The following NAV2 variants were observed in gnomAD, a reference collection of about 807,000 sequenced individuals.
The protein encoded by NAV2 is helicase, APC down-regulated 1.
Under a neutral mutation model 223.2 loss-of-function variants are expected in NAV2, and 54 were observed. The ratio of observed to expected loss-of-function variants is 0.24; its 90% CI spans 0.19 to 0.30. NAV2 has a LOEUF of 0.30. NAV2 is among the 10% of genes least tolerant of loss of function. The pLI is 1.00. For missense variants in NAV2, 2,806 were observed against 3,147.5 expected, an observed-to-expected ratio of 0.89 and a Z score of 2.60; for synonymous variants, 1,279 against 1,239.3, an observed-to-expected ratio of 1.03 and a Z score of -0.67.
intron 11 of NAV2, 36 bp from the exon 12 acceptor site, chr11:20,035,923 G>A (rs1324146226): frequency 2.5e-6 from 4 of 1,613,578 alleles, no homozygotes; most frequent in Non-Finnish European, 2.5e-6. Flanking sequence ...AACAGCCTGA[G>A]GTTTTGGTGC....
chr11:19,744,167 G>C (rs1003127574), intron 1 of NAV2, among the ~76,000 whole-genome samples: 1 of 152,214 alleles, frequency 6.6e-6, no homozygotes, highest in African/African-American at 2.4e-5. Flanking sequence ...TGGGAGCTTG[G>C]TTTTAAACCC....
chr11:19,494,800 G>T (rs1196096807), intron 1 of NAV2, among the ~76,000 whole-genome samples: 1 of 152,222 alleles, frequency 6.6e-6, no homozygotes, highest in Admixed American at 6.5e-5. Context: ...GCTGCTGAGT[G>T]TAGAATGAGA....
At chr11:19,677,490 G>T (rs10766580) in intron 1 of NAV2, among the ~76,000 whole-genome samples, 4 of 152,186 alleles carry the variant, frequency 2.6e-5, no homozygotes, top group African/African-American at 7.2e-5. Context: ...AGGAGACTGA[G>T]GCCCAGAGAG....
intron 10 of NAV2, among the ~76,000 whole-genome samples, chr11:19,966,771 G>A (rs1408899585): frequency 2.6e-5 from 4 of 152,196 alleles, no homozygotes; most frequent in African/African-American, 9.7e-5. Context: ...CCTGGTAACA[G>A]CTCCCAGATG....
intron 11 of NAV2, chr11:20,022,905 T>G: frequency 7.3e-7 from 1 of 1,373,238 alleles, no homozygotes. Flanking sequence ...CTTCAGAGGT[T>G]AATTTTGTTG....
At chr11:19,930,406 G>C (rs1018736166) in intron 6 of NAV2, among the ~76,000 whole-genome samples, 1 of 152,182 alleles carries the variant, frequency 6.6e-6, no homozygotes, top group Non-Finnish European at 1.5e-5. Context: ...CCATGTACAC[G>C]TGGGGACTAT....
chr11:19,526,555 G>A (rs960649847), intron 1 of NAV2, among the ~76,000 whole-genome samples: 6 of 152,004 alleles, frequency 3.9e-5, no homozygotes, highest in African/African-American at 4.8e-5. Context: ...CTCCAGGATT[G>A]GATGAAGAAG....
At chr11:20,065,601 GT>G (rs1313684796) in intron 20 of NAV2, among the ~76,000 whole-genome samples, 1 of 152,214 alleles carries the variant, frequency 6.6e-6, no homozygotes, top group Non-Finnish European at 1.5e-5. Context: ...GTTACCAGAT[GT>G]GCAGAACAGC....
At chr11:19,680,356 G>A (rs1477505825) in intron 1 of NAV2, among the ~76,000 whole-genome samples, 2 of 152,158 alleles carry the variant, frequency 1.3e-5, no homozygotes, top group South Asian at 2.1e-4. Flanking sequence ...GTCGCCTCCC[G>A]CCAGTTTCCC....
chr11:19,643,218 C>T (rs111359865), intron 1 of NAV2, among the ~76,000 whole-genome samples: 10 of 151,870 alleles, frequency 6.6e-5, no homozygotes, highest in African/African-American at 2.2e-4. Flanking sequence ...ACAACGTGCA[C>T]GTTTGTTACA....
intron 3 of NAV2, among the ~76,000 whole-genome samples, chr11:19,851,626 T>C (rs1442841960): frequency 6.6e-6 from 1 of 152,190 alleles, no homozygotes; most frequent in Non-Finnish European, 1.5e-5. Flanking sequence ...TTAATGCAAG[T>C]GAGAAGGTCA....
At chr11:19,438,637 C>T (rs995677681) in intron 1 of NAV2, among the ~76,000 whole-genome samples, 3 of 152,172 alleles carry the variant, frequency 2.0e-5, no homozygotes, top group African/African-American at 7.2e-5. Context: ...TTTTCCACAC[C>T]TCCTTCCTTG....
At chr11:19,826,847 C>T (rs1194970881) in intron 1 of NAV2, among the ~76,000 whole-genome samples, 1 of 152,182 alleles carries the variant, frequency 6.6e-6, no homozygotes, top group Non-Finnish European at 1.5e-5. Context: ...ATCAGTTTCC[C>T]AAGATTTGCC....
chr11:19,985,475 T>G (rs541669166), intron 11 of NAV2, among the ~76,000 whole-genome samples: 2 of 152,296 alleles, frequency 1.3e-5, no homozygotes, highest in African/African-American at 4.8e-5. Context: ...TCAAGTCAGA[T>G]TTTTTCCTGT....
chr11:19,998,773 C>G lies in NAV2; in HGVS notation c.2768+14526C>G, dbSNP rs2052225182. Among the ~76,000 whole-genome samples, 2 of 152,180 alleles carry G rather than the reference C, an allele frequency of 1.3e-5. No individual in the cohort carries two copies. Among genetic ancestry groups the G allele is most frequent in the African/African-American group, 4.8e-5 (2 of 41,440 alleles). ...TTCCTTCAGGTCTCAACTCAAACTT[C>G]ACCACTTAGAGAGGCTGCTACTGAC... is the stretch of plus-strand genomic sequence containing the variant. On this transcript the variant is annotated intron_variant, in intron 11 of 37. Transcript: ENST00000349880. This position sits in a 1 kb window ranked among gnomAD's most constrained non-coding sequence, Gnocchi z 5.0.
intron 1 of NAV2, among the ~76,000 whole-genome samples, chr11:19,666,309 C>T (rs547670127): frequency 6.6e-6 from 1 of 152,348 alleles, no homozygotes; most frequent in South Asian, 2.1e-4. Flanking sequence ...AATCCAGATG[C>T]ACATTCAGCA....
intron 11 of NAV2, among the ~76,000 whole-genome samples, chr11:19,988,511 A>T (rs1442715): frequency 0.7 from 105,868 of 151,790 alleles, 37,860 homozygotes; most frequent in Middle Eastern, 0.83. Flanking sequence ...TCCACCTTTG[A>T]GCCAGGAAAC....
chr11:19,555,833 G>T (rs539852130), intron 1 of NAV2, among the ~76,000 whole-genome samples: 1 of 151,878 alleles, frequency 6.6e-6, no homozygotes. Flanking sequence ...TACCTTCCTC[G>T]AGCCCACCCA....
chr11:19,672,032 C>T (rs142791101), intron 1 of NAV2, among the ~76,000 whole-genome samples: 1 of 152,148 alleles, frequency 6.6e-6, no homozygotes, highest in Non-Finnish European at 1.5e-5. Flanking sequence ...ATGTAGACTT[C>T]TTGGGGAAGA....
Sources: gnomAD v4.1 joint callset for allele counts (sites outside exome capture counted in the v4.1 genomes callset) on GRCh38, gnomAD v4.1.1 for gene constraint, Gnocchi (gnomAD v3.1) non-coding constraint, MANE v1.5 for transcripts, NCBI Gene and HGNC (gene_info 2026-07-23, HGNC 2026-07-21) for gene names.